Variants in ADK observed in about 807,000 individuals in gnomAD.
ADK encodes the protein adenosine kinase.
ADK carries 24 observed loss-of-function variants against 44.7 expected under a neutral mutation model. The observed-to-expected ratio is 0.54, with a 90% CI of 0.39 to 0.76. The LOEUF (loss-of-function observed/expected upper bound fraction) is 0.76. Among genes scored for constraint, ADK ranks in the 30% least tolerant of loss-of-function variants. The pLI is 0.00. For synonymous variants in ADK, 128 were observed against 142.6 expected, an observed-to-expected ratio of 0.90 and a Z score of 0.73; for missense variants, 321 against 425.1, an observed-to-expected ratio of 0.76 and a Z score of 2.15.
chr10:74,594,458 G>A (rs1423199279), intron 8 of ADK, among the ~76,000 whole-genome samples: 1 of 151,804 alleles, frequency 6.6e-6, no homozygotes, highest in African/African-American at 2.4e-5. Context: ...AAGCAAGGAG[G>A]TAAAGAAGGG....
chr10:74,411,186 C>A (rs955495810), intron 6 of ADK, among the ~76,000 whole-genome samples: 5 of 151,864 alleles, frequency 3.3e-5, no homozygotes, highest in Non-Finnish European at 7.4e-5. Flanking sequence ...TTGCAGGTGT[C>A]CTTAACTGTT....
chr10:74,566,294 A>G (rs186529723), intron 7 of ADK, among the ~76,000 whole-genome samples: 5 of 147,212 alleles, frequency 3.4e-5, no homozygotes, highest in African/African-American at 1.3e-4. Context: ...GCAGCCTCCA[A>G]CTCCTGGGCT....
intron 4 of ADK, among the ~76,000 whole-genome samples, chr10:74,334,411 C>A (rs983867860): frequency 6.6e-6 from 1 of 152,172 alleles, no homozygotes; most frequent in East Asian, 1.9e-4. Context: ...TTTGCTGATG[C>A]AAACTCACTA....
chr10:74,359,154 C>T (rs1015502944), intron 4 of ADK, among the ~76,000 whole-genome samples: 2 of 151,782 alleles, frequency 1.3e-5, no homozygotes, highest in Non-Finnish European at 2.9e-5. Context: ...TGATTCTTCT[C>T]CATATGGATA....
intron 7 of ADK, among the ~76,000 whole-genome samples, chr10:74,554,313 C>T (rs772530014): frequency 2.0e-5 from 3 of 152,104 alleles, no homozygotes; most frequent in Non-Finnish European, 4.4e-5. Context: ...TCCTGCCAAT[C>T]CTCTGCAGAG....
intron 6 of ADK, among the ~76,000 whole-genome samples, chr10:74,507,017 T>G (rs928298442): frequency 3.9e-5 from 6 of 152,254 alleles, no homozygotes; most frequent in South Asian, 2.1e-4. Context: ...AACTGTATTG[T>G]AGTTATTTTT....
At chr10:74,445,601 T>C (rs1845564651) in intron 6 of ADK, among the ~76,000 whole-genome samples, 1 of 152,050 alleles carries the variant, frequency 6.6e-6, no homozygotes, top group African/African-American at 2.4e-5. Flanking sequence ...TGTGTTAGTA[T>C]ATTTACACCT....
At chr10:74,476,499 A>C (rs1402167991) in intron 6 of ADK, among the ~76,000 whole-genome samples, 2 of 152,204 alleles carry the variant, frequency 1.3e-5, no homozygotes, top group East Asian at 3.9e-4. Context: ...TCTCAAAAAA[A>C]AAAAAAATTG....
intron 3 of ADK, among the ~76,000 whole-genome samples, chr10:74,249,288 T>G (rs1197578194): frequency 6.6e-6 from 1 of 152,206 alleles, no homozygotes; most frequent in African/African-American, 2.4e-5. Flanking sequence ...GTTTTGAACA[T>G]TTTTTATGAC....
At chr10:74,332,906 A>T (rs1412346188) in intron 4 of ADK, among the ~76,000 whole-genome samples, 3 of 152,202 alleles carry the variant, frequency 2.0e-5, no homozygotes, top group African/African-American at 7.2e-5. Context: ...AGAATGTCTT[A>T]TTAAGGTTAT....
rs759938781 is a variant in ADK at position 74,600,462 on chromosome 10, C to T, written c.846C>T (p.Thr282=). 11 of 1,610,028 alleles carry T rather than the reference C, an allele frequency of 6.8e-6. No homozygotes were observed. Among genetic ancestry groups the T allele is most frequent in the African/African-American group, 1.3e-5 (1 of 74,442 alleles). Residue 282 remains threonine (T), a synonymous_variant, in exon 9 of 11, where the codon ACC becomes ACT. Coordinates refer to ENST00000539909, the MANE Select transcript of ADK (RefSeq NM_006721.4). ...NSKRQRIVIF[T]QGRDDTIMAT... ...AGAGGCAGCGAATCGTGATCTTCAC[C>T]CAAGGGAGAGATGACACTATAATGG...
intron 3 of ADK, among the ~76,000 whole-genome samples, chr10:74,280,248 A>T (rs993758003): frequency 2.6e-5 from 4 of 151,946 alleles, no homozygotes; most frequent in African/African-American, 9.7e-5. Context: ...GACTACAGGC[A>T]TGTGCCACCA....
intron 7 of ADK, among the ~76,000 whole-genome samples, chr10:74,565,267 T>G (rs1850616501): frequency 6.6e-6 from 1 of 152,170 alleles, no homozygotes; most frequent in Non-Finnish European, 1.5e-5. Flanking sequence ...CCTGAAACAT[T>G]ACTACTATAT....
intron 4 of ADK, among the ~76,000 whole-genome samples, chr10:74,383,687 GA>G (rs1843049735): frequency 6.6e-6 from 1 of 152,176 alleles, no homozygotes; most frequent in South Asian, 2.1e-4. Flanking sequence ...TAGGTTTTAT[GA>G]AGAGTGGAAG....
intron 3 of ADK, among the ~76,000 whole-genome samples, chr10:74,244,594 A>G (rs952687439): frequency 6.6e-6 from 1 of 152,184 alleles, no homozygotes; most frequent in Non-Finnish European, 1.5e-5. Context: ...GAAAAATGAA[A>G]TTATTTATTA....
intron 6 of ADK, among the ~76,000 whole-genome samples, chr10:74,439,355 T>C (rs962485465): frequency 6.6e-6 from 1 of 152,158 alleles, no homozygotes; most frequent in Admixed American, 6.5e-5. Context: ...ATCTTTTGAG[T>C]TCAGGAAGTA....
chr10:74,388,392 C>T (rs1843217869), intron 4 of ADK, among the ~76,000 whole-genome samples: 2 of 152,270 alleles, frequency 1.3e-5, no homozygotes, highest in South Asian at 4.1e-4. Flanking sequence ...TTTTTGATAT[C>T]CTCAAAAATC....
intron 10 of ADK, among the ~76,000 whole-genome samples, chr10:74,675,617 T>C (rs1048166022): frequency 2.0e-5 from 3 of 152,146 alleles, no homozygotes; most frequent in Non-Finnish European, 4.4e-5. Context: ...CAGGAAAAAA[T>C]TTCTTCCTGT....
chr10:74,344,869 A>C (rs1053943600), intron 4 of ADK: 7 of 161,576 alleles, frequency 4.3e-5, no homozygotes, highest in African/African-American at 1.7e-4. Flanking sequence ...GTTCTTGTAA[A>C]GTAGTGTTCC....
Sources: allele counts gnomAD v4.1 joint callset (sites outside exome capture counted in the v4.1 genomes callset), GRCh38; gene constraint gnomAD v4.1.1; transcripts MANE v1.5; gene names NCBI Gene and HGNC (gene_info 2026-07-23, HGNC 2026-07-21).